Variants in SCN9A observed in about 807,000 individuals in gnomAD.
SCN9A encodes the protein sodium voltage-gated channel alpha subunit 9.
SCN9A carries 131 observed loss-of-function variants against 187.0 expected under a neutral mutation model. That is an observed-to-expected ratio of 0.70 (90% CI 0.61 to 0.81). SCN9A has a LOEUF of 0.81. SCN9A is among the 30% of genes least tolerant of loss of function. The pLI is 0.00. For synonymous variants in SCN9A, 809 were observed against 808.6 expected (o/e 1.00, Z -0.01); for missense variants, 2,252 against 2,396.6 (o/e 0.94, Z 1.26).
At chr2:166,360,163 G>C (rs557071588) in intron 1 of SCN9A, among the ~76,000 whole-genome samples, 3 of 138,132 alleles carry the variant, frequency 2.2e-5, no homozygotes, top group African/African-American at 8.2e-5. Flanking sequence ...GGATTGTAGT[G>C]AGCTGAGATC....
In SCN9A at chr2:166,233,382, A is replaced by C; in HGVS notation, c.3882T>G (p.Ala1294=). The C allele has an allele frequency of 6.3e-7, 1 of 1,577,150 alleles. No individual in the cohort carries two copies. The highest frequency in any genetic ancestry group is 2.4e-5 in the East Asian group (1 of 42,284). The part of the protein sequence containing the change: ...GPIKSLRTLR[A]LRPLRALSRF... The stretch of plus-strand genomic sequence containing the variant: ...TAGATAAGGCTCTTAGAGGTCTTAA[A>C]GCTCTCAGTGTCCGAAGGGATTTAA... The change falls in exon 21 of 27, where the codon GCT becomes GCG. Residue 1294 remains alanine (A), a synonymous_variant. Transcript: ENST00000642356.
At chr2:166,318,489 G>GAA (rs546158464) in intron 1 of SCN9A, among the ~76,000 whole-genome samples, 3 of 137,798 alleles carry the variant, frequency 2.2e-5, no homozygotes, top group African/African-American at 8.1e-5. Context: ...TTTAACTTTA[G>GAA]AAAAAAAAAA....
chr2:166,279,752 A>C (rs528628207), intron 14 of SCN9A, among the ~76,000 whole-genome samples: 2 of 152,240 alleles, frequency 1.3e-5, no homozygotes, highest in East Asian at 3.9e-4. Context: ...AATAAGCAGA[A>C]AGCATTTAAT....
intron 24 of SCN9A, among the ~76,000 whole-genome samples, chr2:166,206,111 C>A (rs976090601): frequency 5.3e-5 from 8 of 152,110 alleles, no homozygotes; most frequent in Non-Finnish European, 1.2e-4. Flanking sequence ...TGTGATGATT[C>A]CTCAAGAATC....
At chr2:166,297,319 C>T (rs1698361465) in intron 7 of SCN9A, among the ~76,000 whole-genome samples, 1 of 148,228 alleles carries the variant, frequency 6.7e-6, no homozygotes, top group African/African-American at 2.5e-5. Flanking sequence ...TGAATGTTTA[C>T]AGCAACATTA....
At chr2:166,253,371 T>C (rs1558985078) in intron 17 of SCN9A, among the ~76,000 whole-genome samples, 2 of 151,852 alleles carry the variant, frequency 1.3e-5, no homozygotes, top group Admixed American at 6.6e-5. Context: ...GTTATGAAAG[T>C]ATCAGTACAA....
At chr2:166,236,477 G>A (rs1695323963) in intron 20 of SCN9A, among the ~76,000 whole-genome samples, 1 of 152,140 alleles carries the variant, frequency 6.6e-6, no homozygotes, top group Admixed American at 6.5e-5. Flanking sequence ...CTGGAGTGCA[G>A]TGGCACGATC....
At chr2:166,339,476 G>T (rs1406980558) in intron 1 of SCN9A, among the ~76,000 whole-genome samples, 1 of 152,128 alleles carries the variant, frequency 6.6e-6, no homozygotes, top group East Asian at 1.9e-4. Context: ...CCTGGGGAAA[G>T]ACATGCATGT....
chr2:166,227,622 A>T, intron 23 of SCN9A, 48 bp downstream of exon 23: 1 of 1,076,930 alleles, frequency 9.3e-7, no homozygotes, highest in Non-Finnish European at 1.4e-6. Flanking sequence ...GAAATAAACT[A>T]AGAAGCTTTT....
intron 1 of SCN9A, among the ~76,000 whole-genome samples, chr2:166,362,610 TC>T (rs1450838195): frequency 1.3e-5 from 2 of 151,980 alleles, no homozygotes; most frequent in Non-Finnish European, 2.9e-5. Context: ...AGAAAATAAT[TC>T]CTATCCTTCC....
In SCN9A at chr2:166,306,925, C is replaced by A. The variant is rs762422181; in HGVS notation, c.377+31G>T. On this transcript the variant is annotated intron_variant, in intron 3 of 26. Coordinates refer to ENST00000642356, the MANE Select transcript of SCN9A (RefSeq NM_001365536.1). ...ATAGCAAAAATTACACCATAAAGTGCCACTGGATGTAATCATTTTTAAAAG... is the reference window on the plus strand; with the variant it reads ...ATAGCAAAAATTACACCATAAAGTGACACTGGATGTAATCATTTTTAAAAG... 2.4e-6 allele frequency: 3 copies of A among 1,242,664 alleles called. No homozygotes were observed. In the African/African-American group the frequency reaches 4.5e-5, roughly 19 times the overall value. The allele number at this position is 1,242,664 out of a possible 1,614,324, so 77.0% of individuals were successfully genotyped here. A position where few individuals can be genotyped will look rare whatever the true frequency, so the allele number is the denominator to read the frequency against.
intron 24 of SCN9A, among the ~76,000 whole-genome samples, chr2:166,214,398 T>C (rs1047374138): frequency 1.3e-5 from 2 of 151,910 alleles, no homozygotes; most frequent in African/African-American, 4.8e-5. Flanking sequence ...GAAATCTACA[T>C]AGCAAATGAA....
intron 10 of SCN9A, among the ~76,000 whole-genome samples, chr2:166,288,043 G>A (rs1036576835): frequency 7.1e-6 from 1 of 141,172 alleles, no homozygotes; most frequent in African/African-American, 2.6e-5. Flanking sequence ...TATTCTAAAA[G>A]ATTTTTCCTC....
chr2:166,202,853 C>G (rs374256156), intron 26 of SCN9A, among the ~76,000 whole-genome samples: 2 of 151,478 alleles, frequency 1.3e-5, no homozygotes, highest in South Asian at 2.1e-4. Flanking sequence ...TTAGTTGATT[C>G]TCTTTCAATA....
chr2:166,373,533 C>T (rs956625184), intron 1 of SCN9A, among the ~76,000 whole-genome samples: 5 of 151,788 alleles, frequency 3.3e-5, no homozygotes, highest in East Asian at 1.9e-4. Context: ...GCATCTGAGA[C>T]GTATGATGAA....
In SCN9A at chr2:166,308,481, T is replaced by C. The variant is rs546500427; in HGVS notation, c.259-1407A>G. ...TCCTCTTTCTCCCTCTCCTGCACCA[T>C]GTTAAGATGTGCCTTGCTTCCCCTT... On this transcript the variant is annotated intron_variant, in intron 2 of 26. Coordinates refer to ENST00000642356, the MANE Select transcript of SCN9A (RefSeq NM_001365536.1). Among the ~76,000 whole-genome samples, 10 of 152,304 alleles carry C rather than the reference T, an allele frequency of 6.6e-5. No homozygotes were observed. In the East Asian group the frequency reaches 1.7e-3, roughly 27 times the overall value.
In SCN9A at chr2:166,311,680, C is replaced by G. The variant is rs111404258; in HGVS notation, c.77G>C (p.Arg26Pro). The change falls in exon 2 of 27, where the codon CGC (arginine) becomes CCC (proline). Residue 26 changes from arginine to proline, a missense_variant. Around this residue, in one of 7 missense-constraint regions of SCN9A, gnomAD observed 1,013 missense variants for 997.4 expected, o/e 1.02. Transcript: ENST00000642356. ...TKQSLALIEQRIAERKSKEPK... is the reference protein window; with the variant it reads ...TKQSLALIEQPIAERKSKEPK... ...TTCCTTTGATTTTCTTTCAGCAATG[C>G]GTTGTTCAATGAGGGCAAGAGACTG... 10 of 1,613,094 alleles carry G rather than the reference C, an allele frequency of 6.2e-6. No individual in the cohort carries two copies. The highest frequency in any genetic ancestry group is 8.5e-6 in the Non-Finnish European group (10 of 1,179,590).
At position 166,204,238 on chromosome 2, in the gene SCN9A, A is replaced by G; in HGVS notation, c.4504-13T>C. The G allele has an allele frequency of 6.2e-7, 1 of 1,605,404 alleles. No individual in the cohort carries two copies. On this transcript the variant is annotated splice_polypyrimidine_tract_variant and intron_variant, in intron 25 of 26. Transcript: ENST00000642356. ...CTTGGATTTTGTTCTGCAAAGAAAT[A>G]AGAATAATATCGAATGCAGAGTAAA...
chr2:166,330,667 C>T (rs547600407), intron 1 of SCN9A, among the ~76,000 whole-genome samples: 13 of 152,188 alleles, frequency 8.5e-5, no homozygotes, highest in South Asian at 4.1e-4. Context: ...GGTTTTGGGA[C>T]GAAACTATTC....
Sources: allele counts gnomAD v4.1 joint callset (sites outside exome capture counted in the v4.1 genomes callset), GRCh38; gene constraint gnomAD v4.1.1; regional missense constraint gnomAD v4.1.1; transcripts MANE v1.5; gene names NCBI Gene and HGNC (gene_info 2026-07-23, HGNC 2026-07-21).